DNAH7: variants seen among roughly 807,000 people sequenced by gnomAD.
DNAH7 encodes the protein axonemal beta dynein heavy chain 7.
Under a neutral mutation model 444.6 loss-of-function variants are expected in DNAH7, and 397 were observed. The observed-to-expected ratio is 0.89, with a 90% CI of 0.82 to 0.97. DNAH7 has a LOEUF of 0.97. DNAH7 is among the 50% of genes least tolerant of loss of function. The pLI is 0.00. For missense variants in DNAH7, 4,902 were observed against 4,800.8 expected, an observed-to-expected ratio of 1.02 and a Z score of -0.62; for synonymous variants, 1,636 against 1,624.4, an observed-to-expected ratio of 1.01 and a Z score of -0.17.
chr2:195,894,796 C>A, intron 30 of DNAH7, 180 bp downstream of exon 30: 2 of 499,580 alleles, frequency 4.0e-6, no homozygotes, highest in Non-Finnish European at 6.5e-6. Flanking sequence ...TGTGGCATAC[C>A]CTTTATATGC....
At chr2:196,039,788 C>CA (rs34592815) in intron 5 of DNAH7, among the ~76,000 whole-genome samples, 6,323 of 79,490 alleles carry the variant, frequency 0.08, 392 homozygotes, top group African/African-American at 0.22. Context: ...GATTCTGCCT[C>CA]AAAAAAAAAA....
intron 42 of DNAH7, among the ~76,000 whole-genome samples, chr2:195,861,327 C>T (rs973098194): frequency 4.6e-5 from 7 of 152,090 alleles, no homozygotes; most frequent in African/African-American, 1.7e-4. Context: ...TTGATGTTTT[C>T]AAATGACAGT....
intron 19 of DNAH7, among the ~76,000 whole-genome samples, chr2:195,950,869 A>AAAC (rs1034558502): frequency 7.0e-5 from 10 of 142,690 alleles, no homozygotes; most frequent in Middle Eastern, 3.6e-3. Context: ...AAAAAAAAAA[A>AAAC]AAAAAAAAAA....
chr2:195,959,046 G>C (rs1287233539), intron 18 of DNAH7, among the ~76,000 whole-genome samples: 1 of 152,010 alleles, frequency 6.6e-6, no homozygotes, highest in Non-Finnish European at 1.5e-5. Flanking sequence ...GGGCAGCAGA[G>C]CAAGACTCCA....
chr2:195,922,922 C>T (rs768187346), intron 23 of DNAH7, among the ~76,000 whole-genome samples: 9 of 151,728 alleles, frequency 5.9e-5, no homozygotes, highest in Admixed American at 2.0e-4. Context: ...AGTGCAGTGG[C>T]GCAATCTCGG....
At chr2:195,744,535 C>T (rs548330884) in intron 63 of DNAH7, among the ~76,000 whole-genome samples, 8 of 152,346 alleles carry the variant, frequency 5.3e-5, no homozygotes, top group South Asian at 4.1e-4. Context: ...GATATGAGAA[C>T]GGGCAGACTG....
chr2:195,923,490 AG>A (rs1222678893), intron 23 of DNAH7, 104 bp downstream of exon 23: 4 of 1,083,382 alleles, frequency 3.7e-6, no homozygotes, highest in South Asian at 1.5e-5. Flanking sequence ...CATCAGCAAA[AG>A]ATCTCAGATT....
intron 58 of DNAH7, among the ~76,000 whole-genome samples, chr2:195,778,886 C>G (rs183695289): frequency 0.01 from 1,493 of 148,768 alleles, 33 homozygotes; most frequent in East Asian, 0.069. Context: ...TCTTGTTGCC[C>G]AGGCTGGAGT....
intron 14 of DNAH7, 94 bp from the exon 15 acceptor site, chr2:195,984,804 A>C: frequency 8.5e-7 from 1 of 1,176,064 alleles, no homozygotes; most frequent in South Asian, 1.4e-5. Context: ...CCATTGCATG[A>C]AAAATAAAAA....
chr2:196,038,197 C>G (rs1696515687), intron 5 of DNAH7, among the ~76,000 whole-genome samples: 1 of 151,992 alleles, frequency 6.6e-6, no homozygotes, highest in Non-Finnish European at 1.5e-5. Flanking sequence ...TAAGGACTTT[C>G]CCTAACAAAT....
chr2:195,860,398 G>A (rs899136541), intron 42 of DNAH7, among the ~76,000 whole-genome samples: 2 of 151,614 alleles, frequency 1.3e-5, no homozygotes, highest in Admixed American at 6.6e-5. Flanking sequence ...TCATAAGCTC[G>A]ACACAGAAAG....
intron 10 of DNAH7, among the ~76,000 whole-genome samples, chr2:196,011,155 A>T (rs1694708514): frequency 6.6e-6 from 1 of 152,188 alleles, no homozygotes; most frequent in South Asian, 2.1e-4. Flanking sequence ...AGAAGAGAAG[A>T]TTTGGAATGC....
At chr2:195,910,880 T>A (rs1347064623) in intron 24 of DNAH7, among the ~76,000 whole-genome samples, 2 of 152,176 alleles carry the variant, frequency 1.3e-5, no homozygotes, top group Non-Finnish European at 2.9e-5. Context: ...GAAAAGCTTG[T>A]ATCATTTGTG....
At position 195,907,940 on chromosome 2, in the gene DNAH7, T is replaced by C. The variant is rs775180428; in HGVS notation, c.4105-931A>G. Among the ~76,000 whole-genome samples the C allele has an allele frequency of 2.6e-5, 4 of 152,126 alleles. No individual in the cohort carries two copies. In the South Asian group the frequency reaches 8.3e-4, roughly 31 times the overall value. On this transcript the variant is annotated intron_variant, in intron 25 of 64. Transcript: ENST00000312428. The stretch of plus-strand genomic sequence containing the variant: ...AGAGAACAGAATGCTTTGGATGTCA[T>C]ATTCAAGCAGTTATATACATTTTGA...
chr2:195,737,909 G>A lies in DNAH7; in HGVS notation c.*12C>T, dbSNP rs1436719908. ...CAACAAGAAATAGGAACAAGGAAATGATGTCTTCTGGTTATGAATTAAGTT... is the reference window on the plus strand; with the variant it reads ...CAACAAGAAATAGGAACAAGGAAATAATGTCTTCTGGTTATGAATTAAGTT... On this transcript the variant is annotated 3_prime_UTR_variant, in exon 65 of 65. Coordinates refer to ENST00000312428, the MANE Select transcript of DNAH7 (RefSeq NM_018897.3). The A allele has an allele frequency of 6.2e-7, 1 of 1,611,562 alleles. No individual in the cohort carries two copies. The highest frequency in any genetic ancestry group is 1.1e-5 in the South Asian group (1 of 90,966).
chr2:195,974,969 GTA>G (rs1344840720), intron 15 of DNAH7, among the ~76,000 whole-genome samples: 1 of 152,088 alleles, frequency 6.6e-6, no homozygotes, highest in Non-Finnish European at 1.5e-5. Context: ...AATTTCCTGT[GTA>G]TAGAAAGTTT....
chr2:195,747,568 T>C (rs568905230), intron 63 of DNAH7, among the ~76,000 whole-genome samples: 3 of 152,150 alleles, frequency 2.0e-5, no homozygotes, highest in Admixed American at 1.3e-4. Flanking sequence ...TCCTTGAACA[T>C]TGATGCAAAA....
intron 20 of DNAH7, 125 bp downstream of exon 20, chr2:195,936,474 T>G: frequency 1.8e-6 from 1 of 565,012 alleles, no homozygotes; most frequent in Non-Finnish European, 2.8e-6. Context: ...TATATAATAC[T>G]TGGAACATTC....
At chr2:195,801,018 T>G (rs1464730106) in intron 54 of DNAH7, among the ~76,000 whole-genome samples, 1 of 152,188 alleles carries the variant, frequency 6.6e-6, no homozygotes, top group African/African-American at 2.4e-5. Context: ...TTAGTTGATA[T>G]AAAGTCAAGA....
Sources: allele counts gnomAD v4.1 joint callset (sites outside exome capture counted in the v4.1 genomes callset), GRCh38; gene constraint gnomAD v4.1.1; transcripts MANE v1.5; gene names NCBI Gene and HGNC (gene_info 2026-07-23, HGNC 2026-07-21).